TMEM178A: variants seen among roughly 807,000 people sequenced by gnomAD.
TMEM178A encodes the protein transmembrane protein 178A.
TMEM178A carries 12 observed loss-of-function variants against 29.1 expected under a neutral mutation model. That is an observed-to-expected ratio of 0.41 (90% CI 0.26 to 0.67). The LOEUF is 0.67. Among genes scored for constraint, TMEM178A ranks in the 30% least tolerant of loss-of-function variants. TMEM178A has a pLI of 0.29. For missense variants in TMEM178A, 366 were observed against 419.1 expected, an observed-to-expected ratio of 0.87 and a Z score of 1.11; for synonymous variants, 210 against 187.2, an observed-to-expected ratio of 1.12 and a Z score of -0.99.
At chr2:39,688,586 G>C (rs1326158728) in intron 1 of TMEM178A, among the ~76,000 whole-genome samples, 1 of 152,148 alleles carries the variant, frequency 6.6e-6, no homozygotes, top group African/African-American at 2.4e-5. Flanking sequence ...TTCCTTCTTT[G>C]ACTCTGGTAC....
intron 1 of TMEM178A, among the ~76,000 whole-genome samples, chr2:39,696,082 A>G (rs1422713569): frequency 1.3e-5 from 2 of 152,178 alleles, no homozygotes; most frequent in African/African-American, 2.4e-5. Flanking sequence ...CATTTTACTG[A>G]TGGGCAACTG....
At chr2:39,688,578 C>T (rs1478401252) in intron 1 of TMEM178A, among the ~76,000 whole-genome samples, 1 of 152,224 alleles carries the variant, frequency 6.6e-6, no homozygotes, top group Non-Finnish European at 1.5e-5. Context: ...TTGCCCTTTT[C>T]CTTCTTTGAC....
chr2:39,717,324 A>G lies in TMEM178A; in HGVS notation c.*73A>G. The G allele has an allele frequency of 3.3e-6, 5 of 1,533,992 alleles. No individual in the cohort carries two copies. The highest frequency in any genetic ancestry group is 4.4e-6 in the Non-Finnish European group (5 of 1,140,890). On this transcript the variant is annotated 3_prime_UTR_variant, in exon 4 of 4. Coordinates refer to ENST00000281961, the MANE Select transcript of TMEM178A (RefSeq NM_152390.3). ...CAGCGCGGAGTTCAGGAGTCCAAGCACAAAGCGGTCTTTTACATTCCAACC... is the reference window on the plus strand; with the variant it reads ...CAGCGCGGAGTTCAGGAGTCCAAGCGCAAAGCGGTCTTTTACATTCCAACC...
chr2:39,671,609 C>G (rs745417964), intron 1 of TMEM178A, among the ~76,000 whole-genome samples: 13 of 152,180 alleles, frequency 8.5e-5, no homozygotes, highest in Non-Finnish European at 1.9e-4. Flanking sequence ...TTGGGCATCA[C>G]TCTGTGATTT....
the TMEM178A span, among the ~76,000 whole-genome samples, chr2:39,723,109 A>G: frequency 6.6e-6 from 1 of 152,184 alleles, no homozygotes; most frequent in Non-Finnish European, 1.5e-5. Flanking sequence ...CTTTAATCAT[A>G]AAACACCTTT....
intron 1 of TMEM178A, among the ~76,000 whole-genome samples, chr2:39,690,342 C>T (rs1671261176): frequency 6.6e-6 from 1 of 152,164 alleles, no homozygotes; most frequent in African/African-American, 2.4e-5. Flanking sequence ...ATGGTGTGTG[C>T]CTGCTCTTTC....
At chr2:39,733,241 C>T in the TMEM178A span, among the ~76,000 whole-genome samples, 2 of 152,176 alleles carry the variant, frequency 1.3e-5, no homozygotes, top group Non-Finnish European at 1.5e-5. Context: ...TCTTACAACA[C>T]GTATTTCTGT....
intron 1 of TMEM178A, among the ~76,000 whole-genome samples, chr2:39,675,388 A>C (rs1359944576): frequency 6.9e-6 from 1 of 145,334 alleles, no homozygotes; most frequent in East Asian, 2.2e-4. Flanking sequence ...AAAGTTAAAA[A>C]ATAATGACAG....
intron 1 of TMEM178A, among the ~76,000 whole-genome samples, chr2:39,692,446 T>C (rs1671354588): frequency 6.6e-6 from 1 of 152,170 alleles, no homozygotes. Flanking sequence ...CTTCAATATA[T>C]ACAATAAAAA....
chr2:39,682,381 GT>G (rs529229212), intron 1 of TMEM178A, among the ~76,000 whole-genome samples: 5,445 of 145,908 alleles, frequency 0.037, 137 homozygotes, highest in African/African-American at 0.072. Flanking sequence ...AGTTTACTAT[GT>G]TTTTTTTTTT....
chr2:39,679,855 C>T (rs1482821113), intron 1 of TMEM178A, among the ~76,000 whole-genome samples: 2 of 152,164 alleles, frequency 1.3e-5, no homozygotes, highest in African/African-American at 4.8e-5. Context: ...TGGTTGCTGT[C>T]CTTCATCAGG....
chr2:39,675,987 T>G (rs1670607611), intron 1 of TMEM178A, among the ~76,000 whole-genome samples: 1 of 152,154 alleles, frequency 6.6e-6, no homozygotes, highest in South Asian at 2.1e-4. Flanking sequence ...GGTGTTGCTT[T>G]GTCGACCAGG....
At chr2:39,724,100 A>G in the TMEM178A span, among the ~76,000 whole-genome samples, 3 of 152,140 alleles carry the variant, frequency 2.0e-5, no homozygotes, top group Admixed American at 6.5e-5. Context: ...GCAGTAGCCT[A>G]AAGGTATGAC....
At chr2:39,690,401 A>G (rs2148077728) in intron 1 of TMEM178A, among the ~76,000 whole-genome samples, 1 of 152,234 alleles carries the variant, frequency 6.6e-6, no homozygotes, top group East Asian at 1.9e-4. Context: ...GATGCAGAGA[A>G]GGTGTACAAA....
intron 1 of TMEM178A, among the ~76,000 whole-genome samples, chr2:39,684,069 C>G (rs562159460): frequency 2.2e-4 from 34 of 152,288 alleles, no homozygotes; most frequent in African/African-American, 7.5e-4. Context: ...ATGCATCTAC[C>G]TAGTTCTGAT....
At chr2:39,729,116 G>C in the TMEM178A span, among the ~76,000 whole-genome samples, 1 of 152,038 alleles carries the variant, frequency 6.6e-6, no homozygotes, top group Non-Finnish European at 1.5e-5. Flanking sequence ...TGCTCAATAG[G>C]GCCAGAAAAT....
At chr2:39,696,799 C>T (rs540154873) in intron 1 of TMEM178A, among the ~76,000 whole-genome samples, 1 of 152,202 alleles carries the variant, frequency 6.6e-6, no homozygotes, top group South Asian at 2.1e-4. Context: ...CATTTCTAAC[C>T]CCCTGTGCAA....
chr2:39,712,041 T>TTGTGTGTGTGTGTGTGTGTGTGTG (rs61303746), intron 3 of TMEM178A, among the ~76,000 whole-genome samples: 14 of 139,252 alleles, frequency 1.0e-4, no homozygotes, highest in Non-Finnish European at 1.5e-4. Context: ...GAATTGCATT[T>TTGTGTGTGTGTGTGTGTGTGTGTG]TGTGTGTGTG....
Position 39,707,091 on chromosome 2 carries a change from C to G in TMEM178A, c.557C>G (p.Ala186Gly). ...GCTGGCTTCCTCGGCATGGCCGTAG[C>G]CGTCCTTCTCTGCGGCTGCATTGTG... is the stretch of plus-strand genomic sequence containing the variant. ...ITAGFLGMAV[A>G]VLLCGCIVAT... The change falls in exon 3 of 4, where the codon GCC becomes GGC. Residue 186 changes from alanine to glycine, a missense_variant. Transcript: ENST00000281961. 1 of 1,614,128 alleles carries G rather than the reference C, an allele frequency of 6.2e-7. No individual in the cohort carries two copies. The highest frequency in any genetic ancestry group is 8.5e-7 in the Non-Finnish European group (1 of 1,180,000).
Sources: allele counts gnomAD v4.1 joint callset (sites outside exome capture counted in the v4.1 genomes callset), GRCh38; gene constraint gnomAD v4.1.1; transcripts MANE v1.5; gene names NCBI Gene and HGNC (gene_info 2026-07-23, HGNC 2026-07-21).